Variants in FAM9B observed in about 807,000 individuals in gnomAD.
FAM9B encodes protein FAM9B.
A neutral mutation model predicts 16.6 loss-of-function variants in FAM9B; 18 were observed. The ratio of observed to expected loss-of-function variants is 1.09; its 90% CI spans 0.75 to 1.61. The LOEUF (loss-of-function observed/expected upper bound fraction) is 1.61. Ranked by LOEUF, FAM9B falls within the 40% of genes most tolerant of loss-of-function variation. The pLI is 0.00. For synonymous variants in FAM9B, 43 were observed against 42.6 expected (o/e 1.01, Z -0.03); for missense variants, 155 against 136.0 (o/e 1.14, Z -0.70).
At chrX:9,029,441 C>T (rs369994703) in intron 5 of FAM9B, 23 bp from the exon 6 acceptor site, 44 of 1,037,606 alleles carry the variant, frequency 4.2e-5, no homozygotes, top group Middle Eastern at 5.4e-4. Context: ...ATAAGTAACA[C>T]GGTCATACGT....
intron 1 of FAM9B, among the ~76,000 whole-genome samples, chrX:9,033,516 G>A (rs906389): frequency 0.051 from 5,413 of 106,470 alleles, 135 homozygotes; most frequent in Non-Finnish European, 0.071. Context: ...CTGTCCTGTC[G>A]GGCGGCCAGG....
Position 9,033,772 on chromosome X carries a change from C to T in FAM9B, c.-90+80G>A, listed in dbSNP as rs544968448. On this transcript the variant is annotated intron_variant, in intron 1 of 8. Transcript: ENST00000327220. ...CTGGGGCCATTTCCTCACAGGTCGGCGGGCTGCCCAGCGCTTCACACCCTG... is the reference window on the plus strand; with the variant it reads ...CTGGGGCCATTTCCTCACAGGTCGGTGGGCTGCCCAGCGCTTCACACCCTG... 26 of 739,153 alleles carry T rather than the reference C, an allele frequency of 3.5e-5. No homozygotes were observed. In the South Asian group the frequency reaches 1.3e-3, roughly 37 times the overall value. 60.9% of individuals were successfully genotyped at this position (739,153 alleles called of 1,213,427 possible).
At chrX:9,032,537 T>A in intron 2 of FAM9B, 76 bp from the exon 3 acceptor site, 1 of 381,105 alleles carries the variant, frequency 2.6e-6, no homozygotes, top group Non-Finnish European at 4.4e-6. Context: ...AGAAATGTAC[T>A]AGTTGTAGAC....
intron 5 of FAM9B, 174 bp downstream of exon 5, chrX:9,030,087 T>C: frequency 1.0e-6 from 1 of 953,631 alleles, no homozygotes; most frequent in Non-Finnish European, 1.4e-6. Context: ...CTCTTAATTC[T>C]GTTAAACTGA....
rs1185801863 is a variant in FAM9B, at chrX:9,033,827, C to T, written c.-90+25G>A. ...CCAGAGGGCCTCGTGCCTGCGTTCC[C>T]GCCTCCCCACCACGAGTGCTTCACC... On this transcript the variant is annotated intron_variant, in intron 1 of 8. Coordinates refer to ENST00000327220, the MANE Select transcript of FAM9B (RefSeq NM_205849.3). The T allele has an allele frequency of 1.3e-5, 10 of 749,108 alleles. No homozygotes were observed. In the African/African-American group the frequency reaches 1.9e-4, roughly 14 times the overall value. 61.7% of individuals were successfully genotyped at this position (749,108 alleles called of 1,213,427 possible). A position where few individuals can be genotyped will look rare whatever the true frequency, so the allele number is the denominator to read the frequency against.
intron 6 of FAM9B, among the ~76,000 whole-genome samples, chrX:9,028,736 T>C (rs147771859): frequency 0.02 from 2,254 of 111,173 alleles, 63 homozygotes; most frequent in African/African-American, 0.069. Flanking sequence ...ATGGTCAAGC[T>C]AGAATCCCAA....
chrX:9,028,356 T>C (rs1166923376), intron 6 of FAM9B, among the ~76,000 whole-genome samples: 1 of 111,542 alleles, frequency 9.0e-6, no homozygotes, highest in Non-Finnish European at 1.9e-5. Context: ...GTCATTTCAA[T>C]ATGCACATAG....
chrX:9,026,842 T>A (rs945149335), intron 7 of FAM9B, among the ~76,000 whole-genome samples: 3 of 111,481 alleles, frequency 2.7e-5, no homozygotes, highest in African/African-American at 6.5e-5. Context: ...CTGGAGAACA[T>A]TATAGCAACA....
At chrX:9,029,138 G>A (rs1414169988) in intron 6 of FAM9B, among the ~76,000 whole-genome samples, 169 bp downstream of exon 6, 2 of 111,537 alleles carry the variant, frequency 1.8e-5, no homozygotes, top group Admixed American at 1.9e-4. Context: ...ACTTCAGTTG[G>A]ACCCCTAATG....
Position 9,029,419 on chromosome X carries a change from C to T in FAM9B, c.282-1G>A. 8.7e-7 allele frequency: 1 copy of T among 1,154,165 alleles called. No homozygotes were observed. Among genetic ancestry groups the T allele is most frequent in the Non-Finnish European group, 1.2e-6 (1 of 844,113 alleles). ...AGAATGTATATAATCACGTTTCTGC[C>T]TGTAACACATAATAAGTAACACGGT... On this transcript the variant is annotated splice_acceptor_variant, in intron 5 of 8. Coordinates refer to ENST00000327220, the MANE Select transcript of FAM9B (RefSeq NM_205849.3). LOFTEE classifies it high-confidence loss of function.
intron 7 of FAM9B, 48 bp from the exon 8 acceptor site, chrX:9,025,631 G>A (rs774368116): frequency 1.2e-5 from 12 of 988,703 alleles, no homozygotes; most frequent in Admixed American, 5.2e-5. Context: ...TTTATATCTC[G>A]CATTTTAAAC....
At chrX:9,028,731 C>T (rs1276779600) in intron 6 of FAM9B, among the ~76,000 whole-genome samples, 1 of 111,197 alleles carries the variant, frequency 9.0e-6, no homozygotes, top group Non-Finnish European at 1.9e-5. Flanking sequence ...TAGCAATGGT[C>T]AAGCTAGAAT....
At chrX:9,026,066 G>A (rs1186327821) in intron 7 of FAM9B, among the ~76,000 whole-genome samples, 4 of 111,641 alleles carry the variant, frequency 3.6e-5, no homozygotes, top group African/African-American at 1.3e-4. Context: ...TAGTTCAACA[G>A]TTCCTACTCC....
chrX:9,032,889 A>C, intron 2 of FAM9B, 70 bp downstream of exon 2: 1 of 1,170,067 alleles, frequency 8.5e-7, no homozygotes, highest in Non-Finnish European at 1.2e-6. Flanking sequence ...CTGTGCCCCC[A>C]GCGCAGAAAG....
chrX:9,033,692 C>T, intron 1 of FAM9B, 160 bp downstream of exon 1: 2 of 148,537 alleles, frequency 1.3e-5, no homozygotes, highest in Non-Finnish European at 2.1e-5. Flanking sequence ...CCCACCCCAG[C>T]CCACCCTAGC....
intron 4 of FAM9B, chrX:9,030,563 G>A (rs867022099): frequency 3.4e-4 from 102 of 297,297 alleles, no homozygotes; most frequent in African/African-American, 1.0e-3. Flanking sequence ...ATTAACATTC[G>A]CATTTCAATT....
At position 9,025,578 on chromosome X, in the gene FAM9B, A is replaced by G; in HGVS notation, c.498T>C (p.Leu166=). ...KLLRDQFVKA[L]EDFEDLCDRV... ...TGTCACAAAGGTCTTCAAAGTCCTC[A>G]AGAGCCTAAAAGAAAAAGTCTAGTT... The change falls in exon 8 of 9, where the codon CTT becomes CTC. Residue 166 remains leucine, a synonymous_variant. Coordinates refer to ENST00000327220, the MANE Select transcript of FAM9B (RefSeq NM_205849.3). 1 of 1,201,779 alleles carries G rather than the reference A, an allele frequency of 8.3e-7. No homozygotes were observed. The highest frequency in any genetic ancestry group is 3.0e-5 in the East Asian group (1 of 33,697).
intron 5 of FAM9B, 59 bp from the exon 6 acceptor site, chrX:9,029,477 A>G: frequency 1.3e-6 from 1 of 773,029 alleles, no homozygotes. Flanking sequence ...AATTAATCCT[A>G]TTCAAACCCA....
In FAM9B at chrX:9,032,218, G is replaced by T. The variant is rs1602138699; in HGVS notation, c.150-57C>A. ...AAATACTACACAAAATGCCATGTTT[G>T]TTGGGAAAAGAAATGTCTTATGTGA... On this transcript the variant is annotated intron_variant, in intron 3 of 8. Transcript: ENST00000327220. The T allele has an allele frequency of 4.9e-5, 58 of 1,194,336 alleles. 1 individual carries two copies. In the South Asian group the frequency reaches 1.1e-3, roughly 22 times the overall value.
Sources: gnomAD v4.1 joint callset for allele counts (sites outside exome capture counted in the v4.1 genomes callset) on GRCh38, gnomAD v4.1.1 for gene constraint, MANE v1.5 for transcripts, NCBI Gene and HGNC (gene_info 2026-07-23, HGNC 2026-07-21) for gene names.